The following FCRL2 variants were observed in gnomAD, a reference collection of about 807,000 sequenced individuals.
The protein encoded by FCRL2 is Fc receptor like 2, also known as Fc receptor-like protein 2.
A neutral mutation model predicts 59.8 loss-of-function variants in FCRL2; 48 were observed. The observed-to-expected ratio is 0.80, with a 90% CI of 0.64 to 1.02. FCRL2 has a LOEUF of 1.02. Ranked by LOEUF, FCRL2 falls within the 50% of genes least tolerant of loss-of-function variation. FCRL2 has a pLI of 0.00. For synonymous variants in FCRL2, 251 were observed against 229.5 expected (o/e 1.09, Z -0.85); for missense variants, 658 against 597.3 (o/e 1.10, Z -1.06).
At chr1:157,776,894 T>C (rs964477363) in intron 1 of FCRL2, 149 bp downstream of exon 1, 2 of 734,936 alleles carry the variant, frequency 2.7e-6, no homozygotes, top group African/African-American at 3.5e-5. Flanking sequence ...CTCAGCCTAC[T>C]TCTTTGCATC....
chr1:157,776,306 C>G (rs1557873812), intron 1 of FCRL2, among the ~76,000 whole-genome samples: 2 of 152,138 alleles, frequency 1.3e-5, no homozygotes, highest in African/African-American at 2.4e-5. Context: ...TATTTACTCT[C>G]TCACCCAGGC....
intron 2 of FCRL2, among the ~76,000 whole-genome samples, chr1:157,774,023 C>G (rs1209823864): frequency 1.3e-5 from 2 of 152,202 alleles, no homozygotes; most frequent in East Asian, 3.8e-4. Flanking sequence ...TAACTCAGAG[C>G]AAGATGTACA....
At position 157,767,479 on chromosome 1, in the gene FCRL2, C is replaced by G. The variant is rs1383262471; in HGVS notation, c.914G>C (p.Arg305Thr). ...IPVSRPVLTLRSPGAQAAVGD... is the reference protein window; with the variant it reads ...IPVSRPVLTLTSPGAQAAVGD... ...CACTGCAGCCTGGGCCCCAGGAGAC[C>G]TGAGGGTGAGGACAGGGCGAGACAC... The change falls in exon 6 of 12, where the codon AGG (arginine) becomes ACG (threonine). Residue 305 changes from arginine (R) to threonine (T), a missense_variant. Coordinates refer to ENST00000361516, the MANE Select transcript of FCRL2 (RefSeq NM_030764.4). The G allele has an allele frequency of 1.9e-6, 3 of 1,614,100 alleles. No individual in the cohort carries two copies. The highest frequency in any genetic ancestry group is 1.7e-5 in the Admixed American group (1 of 60,006).
intron 10 of FCRL2, among the ~76,000 whole-genome samples, chr1:157,747,676 C>A (rs1030889673): frequency 3.3e-5 from 5 of 152,170 alleles, no homozygotes; most frequent in Non-Finnish European, 7.3e-5. Flanking sequence ...CAAAGGACAG[C>A]TTTTAGGGTT....
At chr1:157,775,853 A>G (rs775770920) in intron 1 of FCRL2, 58 bp from the exon 2 acceptor site, 1 of 1,577,972 alleles carries the variant, frequency 6.3e-7, no homozygotes. Flanking sequence ...ATAATTTATA[A>G]ATTTATATTA....
In FCRL2 at chr1:157,767,425, G is replaced by C; in HGVS notation, c.968C>G (p.Ala323Gly). Reference protein sequence around the residue: ...VGDLLELHCEALRGSPPILYQ... With the variant: ...VGDLLELHCEGLRGSPPILYQ... ...CAAGATTGGGGGAGAGCCTCTCAGG[G>C]CCTCACAGTGAAGCTCCAGCAGGTC... The change falls in exon 6 of 12, where the codon GCC becomes GGC. Residue 323 changes from alanine to glycine, a missense_variant. Coordinates refer to ENST00000361516, the MANE Select transcript of FCRL2 (RefSeq NM_030764.4). 6.2e-7 allele frequency: 1 copy of C among 1,614,230 alleles called. No homozygotes were observed. Among genetic ancestry groups the C allele is most frequent in the Non-Finnish European group, 8.5e-7 (1 of 1,180,040 alleles).
chr1:157,772,168 A>G (rs1048934299), intron 2 of FCRL2, among the ~76,000 whole-genome samples: 2 of 151,466 alleles, frequency 1.3e-5, no homozygotes, highest in African/African-American at 2.4e-5. Flanking sequence ...AATCAAGCCA[A>G]CTTTTAAACC....
At chr1:157,764,147 T>C (rs1649319799) in intron 7 of FCRL2, among the ~76,000 whole-genome samples, 1 of 151,316 alleles carries the variant, frequency 6.6e-6, no homozygotes, top group African/African-American at 2.4e-5. Context: ...GAGGTTGCAG[T>C]GAGCAGAGAT....
chr1:157,752,406 G>A (rs1414223734), intron 7 of FCRL2, among the ~76,000 whole-genome samples: 1 of 152,194 alleles, frequency 6.6e-6, no homozygotes, highest in Non-Finnish European at 1.5e-5. Context: ...TGCCATGACT[G>A]TGAGGTTTCC....
At position 157,768,907 on chromosome 1, in the gene FCRL2, A is replaced by G. The variant is rs990346482; in HGVS notation, c.596-206T>C. ...CATTTGAATGTCCTAACCCTGGCCA[A>G]TTTCATGGGTAGTAATATTTAAAGA... On this transcript the variant is annotated intron_variant, in intron 4 of 11. Transcript: ENST00000361516. 7.6e-6 allele frequency: 4 copies of G among 527,106 alleles called. No homozygotes were observed. In the African/African-American group the frequency reaches 7.6e-5, roughly 10 times the overall value. 32.7% of individuals were successfully genotyped at this position (527,106 alleles called of 1,614,324 possible). A position where few individuals can be genotyped will look rare whatever the true frequency, so the allele number is the denominator to read the frequency against.
At chr1:157,776,637 C>A (rs57560418) in intron 1 of FCRL2, among the ~76,000 whole-genome samples, 7 of 152,134 alleles carry the variant, frequency 4.6e-5, no homozygotes, top group Non-Finnish European at 7.4e-5. Flanking sequence ...GGAATATTAG[C>A]AAAGGGTCTC....
At chr1:157,767,639 C>T (rs1159567570) in intron 5 of FCRL2, 130 bp from the exon 6 acceptor site, 1 of 1,610,948 alleles carries the variant, frequency 6.2e-7, no homozygotes, top group East Asian at 2.2e-5. Flanking sequence ...CACATTCCCA[C>T]TAGAACAGTT....
chr1:157,758,697 A>C (rs1295580719), intron 7 of FCRL2, among the ~76,000 whole-genome samples: 7 of 151,532 alleles, frequency 4.6e-5, no homozygotes, highest in African/African-American at 1.7e-4. Flanking sequence ...AAAAAAAAAA[A>C]AAAAACAAAG....
intron 2 of FCRL2, among the ~76,000 whole-genome samples, chr1:157,771,879 A>T (rs1650047351): frequency 6.6e-6 from 1 of 152,014 alleles, no homozygotes; most frequent in Non-Finnish European, 1.5e-5. Flanking sequence ...AGATGTGGTG[A>T]CTCATAAAAT....
At chr1:157,770,312 T>C in intron 3 of FCRL2, 97 bp downstream of exon 3, 2 of 1,480,858 alleles carry the variant, frequency 1.4e-6, no homozygotes, top group Admixed American at 3.9e-5. Context: ...CTCCCGTCTA[T>C]ATTTAGCCCA....
intron 7 of FCRL2, among the ~76,000 whole-genome samples, chr1:157,764,029 CAAAAAA>C (rs34230382): frequency 9.7e-6 from 1 of 103,254 alleles, no homozygotes; most frequent in Admixed American, 9.6e-5. Context: ...GACTTCATCT[CAAAAAA>C]AAAAAAAAAA....
chr1:157,753,061 C>T (rs963211772), intron 7 of FCRL2, among the ~76,000 whole-genome samples: 2 of 152,124 alleles, frequency 1.3e-5, no homozygotes, highest in Non-Finnish European at 2.9e-5. Context: ...CACTGACATA[C>T]ACACAAACAG....
chr1:157,775,848 T>C (rs1650370709), intron 1 of FCRL2, 53 bp from the exon 2 acceptor site: 1 of 1,586,424 alleles, frequency 6.3e-7, no homozygotes, highest in Non-Finnish European at 8.6e-7. Context: ...CCCTCATAAT[T>C]TATAAATTTA....
chr1:157,773,107 C>T (rs1180978806), intron 2 of FCRL2, among the ~76,000 whole-genome samples: 1 of 152,218 alleles, frequency 6.6e-6, no homozygotes, highest in Admixed American at 6.5e-5. Context: ...GCCTGTACTA[C>T]TTCCCCTCAG....
Sources: gnomAD v4.1 joint callset for allele counts (sites outside exome capture counted in the v4.1 genomes callset) on GRCh38, gnomAD v4.1.1 for gene constraint, MANE v1.5 for transcripts, NCBI Gene and HGNC (gene_info 2026-07-23, HGNC 2026-07-21) for gene names.